The following CUL3 variants were observed in gnomAD, a reference collection of about 807,000 sequenced individuals.
CUL3 encodes cullin-3.
Under a neutral mutation model 89.1 loss-of-function variants are expected in CUL3, and 19 were observed. The ratio of observed to expected loss-of-function variants is 0.21; its 90% CI spans 0.15 to 0.31. The LOEUF (loss-of-function observed/expected upper bound fraction) is 0.31, where lower values mean the gene tolerates loss of function less well. Ranked by LOEUF, CUL3 falls within the 10% of genes least tolerant of loss-of-function variation. The pLI, the probability that CUL3 is intolerant of heterozygous loss-of-function variation, is 1.00. For synonymous variants in CUL3, 351 were observed against 308.4 expected, an observed-to-expected ratio of 1.14 and a Z score of -1.45; for missense variants, 469 against 942.3, an observed-to-expected ratio of 0.50 and a Z score of 6.58.
chr2:224,553,936 A>G (rs773638494), intron 2 of CUL3, among the ~76,000 whole-genome samples: 1 of 152,166 alleles, frequency 6.6e-6, no homozygotes, highest in Non-Finnish European at 1.5e-5. Flanking sequence ...GCAACTTATA[A>G]TATACTGAAA....
intron 1 of CUL3, chr2:224,569,956 CA>C (rs71062948): frequency 0.36 from 21,376 of 59,524 alleles, 1,318 homozygotes; most frequent in Admixed American, 0.42. Context: ...GCTCCAGTCT[CA>C]AAAAAAAAAA....
At chr2:224,505,689 G>C (rs1559146473) in intron 8 of CUL3, 1 of 203,108 alleles carries the variant, frequency 4.9e-6, no homozygotes, top group Non-Finnish European at 9.8e-6. Flanking sequence ...TCCTGTCTTG[G>C]CCTCCCCAAA....
chr2:224,553,758 G>C (rs1694603229), intron 2 of CUL3, among the ~76,000 whole-genome samples: 1 of 152,136 alleles, frequency 6.6e-6, no homozygotes, highest in Non-Finnish European at 1.5e-5. Flanking sequence ...TATAGACCAG[G>C]AAGGGGACTC....
At chr2:224,528,150 T>G (rs1206272875) in intron 3 of CUL3, among the ~76,000 whole-genome samples, 2 of 152,330 alleles carry the variant, frequency 1.3e-5, no homozygotes, top group East Asian at 3.9e-4. Context: ...TCTATTCTCT[T>G]ATATTCTAGA....
rs1054112178 is a variant in CUL3 at position 224,470,911 on chromosome 2, T to G, written c.*3334A>C. The stretch of plus-strand genomic sequence containing the variant: ...TTGTAACATGGAATATGGATAGGAT[T>G]AAACCTAGGTCCAACTCCTGGCTCT... On this transcript the variant is annotated 3_prime_UTR_variant, in exon 16 of 16. Coordinates refer to ENST00000264414, the MANE Select transcript of CUL3 (RefSeq NM_003590.5). 2 of 228,740 alleles carry G rather than the reference T, an allele frequency of 8.7e-6. No individual in the cohort carries two copies. The highest frequency in any genetic ancestry group is 4.4e-5 in the African/African-American group (2 of 45,106). The allele number at this position is 228,740 out of a possible 1,614,324, so 14.2% of individuals were successfully genotyped here.
At chr2:224,475,122 A>G (rs572620728) in intron 15 of CUL3, among the ~76,000 whole-genome samples, 4 of 152,110 alleles carry the variant, frequency 2.6e-5, no homozygotes, top group Non-Finnish European at 4.4e-5. Flanking sequence ...GGTTCCCACC[A>G]TTCTCCTGCC....
chr2:224,528,014 C>G (rs1002056017), intron 3 of CUL3, among the ~76,000 whole-genome samples: 3 of 152,096 alleles, frequency 2.0e-5, no homozygotes, highest in Non-Finnish European at 4.4e-5. Flanking sequence ...CTAAATTATC[C>G]CCTCACAACT....
intron 1 of CUL3, among the ~76,000 whole-genome samples, chr2:224,575,517 G>C (rs1268029130): frequency 6.6e-6 from 1 of 152,126 alleles, no homozygotes; most frequent in Non-Finnish European, 1.5e-5. Context: ...GAATAAATGG[G>C]TCTTCCTGAG....
At chr2:224,559,284 T>C (rs770988307) in intron 1 of CUL3, among the ~76,000 whole-genome samples, 4 of 151,614 alleles carry the variant, frequency 2.6e-5, no homozygotes, top group Non-Finnish European at 5.9e-5. Context: ...ACCCTGTCTC[T>C]ACAAAAAAAT....
intron 12 of CUL3, among the ~76,000 whole-genome samples, 166 bp downstream of exon 12, chr2:224,497,587 G>C (rs556851060): frequency 3.6e-4 from 55 of 152,292 alleles, no homozygotes; most frequent in South Asian, 1.9e-3. Flanking sequence ...GTTAGCAACT[G>C]AGAGAACAGA....
chr2:224,490,962 A>AATAT (rs887754295), intron 13 of CUL3, among the ~76,000 whole-genome samples: 11 of 152,128 alleles, frequency 7.2e-5, no homozygotes, highest in Admixed American at 2.6e-4. Flanking sequence ...GTATCCCATA[A>AATAT]ATATATACAT....
At chr2:224,524,998 C>T (rs1019516147) in intron 3 of CUL3, among the ~76,000 whole-genome samples, 4 of 142,238 alleles carry the variant, frequency 2.8e-5, no homozygotes, top group Admixed American at 1.4e-4. Context: ...ATAAAATACA[C>T]TTATTAATCT....
chr2:224,479,123 C>T (rs987541414), intron 14 of CUL3: 2 of 151,988 alleles, frequency 1.3e-5, no homozygotes, highest in Non-Finnish European at 2.9e-5. Context: ...ATTCGTTCAC[C>T]AAAAGGAGAT....
intron 1 of CUL3, among the ~76,000 whole-genome samples, chr2:224,565,437 G>C (rs1408061850): frequency 1.3e-5 from 2 of 152,076 alleles, no homozygotes; most frequent in Admixed American, 1.3e-4. Flanking sequence ...GCAGGAGAGG[G>C]AGCCATACTC....
intron 1 of CUL3, among the ~76,000 whole-genome samples, chr2:224,558,839 G>C (rs1232909984): frequency 1.8e-5 from 2 of 109,390 alleles, no homozygotes; most frequent in Non-Finnish European, 3.6e-5. Context: ...TCAGGAGATC[G>C]AGACCATCCT....
chr2:224,511,091 A>G (rs915595939), intron 6 of CUL3, among the ~76,000 whole-genome samples: 1 of 152,184 alleles, frequency 6.6e-6, no homozygotes, highest in African/African-American at 2.4e-5. Flanking sequence ...CACCAATACT[A>G]TTACACCTTT....
rs935779002 is a variant in CUL3 at position 224,498,245 on chromosome 2, T to C, written c.1611-396A>G. Among the ~76,000 whole-genome samples the C allele has an allele frequency of 3.9e-5, 6 of 152,308 alleles. 1 individual carries two copies. In the East Asian group the frequency reaches 1.2e-3, roughly 29 times the overall value. On this transcript the variant is annotated intron_variant, in intron 11 of 15. Coordinates refer to ENST00000264414, the MANE Select transcript of CUL3 (RefSeq NM_003590.5). ...ATACCACAGTACGAAAAATACTCAATGCACATTTATAAAATATTCCTCTGG... is the reference window on the plus strand; with the variant it reads ...ATACCACAGTACGAAAAATACTCAACGCACATTTATAAAATATTCCTCTGG...
At chr2:224,571,282 TA>T (rs1695173994) in intron 1 of CUL3, among the ~76,000 whole-genome samples, 1 of 152,166 alleles carries the variant, frequency 6.6e-6, no homozygotes, top group Non-Finnish European at 1.5e-5. Flanking sequence ...CACTTCAAAA[TA>T]AAATTTGTTG....
At chr2:224,490,858 C>T (rs753624017) in intron 13 of CUL3, among the ~76,000 whole-genome samples, 5 of 152,146 alleles carry the variant, frequency 3.3e-5, no homozygotes, top group East Asian at 1.9e-4. Flanking sequence ...AGAATACAAC[C>T]GGAATTTTCA....
Sources: allele counts gnomAD v4.1 joint callset (sites outside exome capture counted in the v4.1 genomes callset), GRCh38; gene constraint gnomAD v4.1.1; transcripts MANE v1.5; gene names NCBI Gene and HGNC (gene_info 2026-07-23, HGNC 2026-07-21).